The following ARHGEF10 variants were observed in gnomAD, a reference collection of about 807,000 sequenced individuals.
ARHGEF10 encodes Rho guanine nucleotide exchange factor (GEF) 10.
In ARHGEF10, 140 loss-of-function variants were observed where a neutral mutation model predicts 147.4. That is an observed-to-expected ratio of 0.95 (90% CI 0.83 to 1.09). The LOEUF is 1.09. Ranked by LOEUF, ARHGEF10 falls within the 50% of genes least tolerant of loss-of-function variation. The probability of loss-of-function intolerance (pLI) is 0.00; values close to 1 mark genes in which losing one functional copy is unlikely to be tolerated. For synonymous variants in ARHGEF10, 902 were observed against 695.8 expected, an observed-to-expected ratio of 1.30 and a Z score of -4.67; for missense variants, 2,222 against 1,752.7, an observed-to-expected ratio of 1.27 and a Z score of -4.78.
rs771371267 is a variant in ARHGEF10 at position 1,909,506 on chromosome 8, GC to G, written c.2143+38del. ...CTTTCTCTCACGTTCGTGCCGTGGGGCCAGGGTAACTCTCACGTTCATGCTA... is the reference window on the plus strand; with the variant it reads ...CTTTCTCTCACGTTCGTGCCGTGGGGCAGGGTAACTCTCACGTTCATGCTA... On this transcript the variant is annotated intron_variant, in intron 18 of 28. Coordinates refer to ENST00000349830, the MANE Select transcript of ARHGEF10 (RefSeq NM_014629.4). 1.9e-6 allele frequency: 3 copies of G among 1,611,640 alleles called. No individual in the cohort carries two copies. In the South Asian group the frequency reaches 3.3e-5, roughly 18 times the overall value.
At chr8:1,874,364 A>G (rs1034932562) in intron 7 of ARHGEF10, among the ~76,000 whole-genome samples, 1 of 152,174 alleles carries the variant, frequency 6.6e-6, no homozygotes, top group South Asian at 2.1e-4. Context: ...GCATTGAGAG[A>G]GCTGGATTGA....
chr8:1,885,745 A>T, intron 11 of ARHGEF10, 38 bp downstream of exon 11: 1 of 1,445,540 alleles, frequency 6.9e-7, no homozygotes, highest in Non-Finnish European at 9.7e-7. Flanking sequence ...GTTGACCAGC[A>T]GAGCTGTGCT....
At chr8:1,857,914 CT>C in intron 2 of ARHGEF10, 45 bp from the exon 3 acceptor site, 2 of 1,402,018 alleles carry the variant, frequency 1.4e-6, no homozygotes, top group East Asian at 2.3e-5. Context: ...ATCTATCTAT[CT>C]ATCTATCTAT....
At chr8:1,949,516 T>A (rs1249740315) in intron 27 of ARHGEF10, among the ~76,000 whole-genome samples, 1 of 152,184 alleles carries the variant, frequency 6.6e-6, no homozygotes, top group Non-Finnish European at 1.5e-5. Context: ...CAGGCAGATG[T>A]TTCCTGCTCT....
chr8:1,922,886 T>C, intron 18 of ARHGEF10, 78 bp from the exon 19 acceptor site: 7 of 994,046 alleles, frequency 7.0e-6, no homozygotes, highest in Non-Finnish European at 1.1e-5. Flanking sequence ...AGTATTTGAG[T>C]CTTTTCTTCC....
chr8:1,941,019 C>CTAA (rs1814049471), intron 26 of ARHGEF10, among the ~76,000 whole-genome samples: 1 of 152,200 alleles, frequency 6.6e-6, no homozygotes, highest in Non-Finnish European at 1.5e-5. Flanking sequence ...TAACATCATA[C>CTAA]TTTATGGTTA....
rs114648780 is a variant in ARHGEF10, at chr8:1,853,934, A to T, written c.38-4026A>T. 4.8e-3 allele frequency among the ~76,000 whole-genome samples: 734 copies of T among 152,326 alleles called. 3 individuals are homozygous for T. Among genetic ancestry groups the T allele is most frequent in the African/African-American group, 0.017 (689 of 41,580 alleles). ...AGCCTGCTCTAGCACAGCCTCCTGT[A>T]AACCAATTGCACCTGCAGTCACCTG... On this transcript the variant is annotated intron_variant, in intron 2 of 28. Transcript: ENST00000349830.
chr8:1,954,864 T>C (rs1229474000), intron 28 of ARHGEF10, among the ~76,000 whole-genome samples: 1 of 152,286 alleles, frequency 6.6e-6, no homozygotes, highest in East Asian at 1.9e-4. Context: ...GGTCAGTCCC[T>C]GCTGGTGCCA....
At chr8:1,880,737 C>T (rs1308908246) in intron 9 of ARHGEF10, among the ~76,000 whole-genome samples, 2 of 152,174 alleles carry the variant, frequency 1.3e-5, no homozygotes, top group Non-Finnish European at 2.9e-5. Flanking sequence ...TGAGCGATGT[C>T]TTTTAAAAGG....
chr8:1,885,268 A>G (rs1461650571), intron 10 of ARHGEF10, among the ~76,000 whole-genome samples: 1 of 152,196 alleles, frequency 6.6e-6, no homozygotes, highest in African/African-American at 2.4e-5. Flanking sequence ...AGATTAAGAA[A>G]CTAAAATATT....
At chr8:1,908,227 A>AT (rs11288174) in intron 17 of ARHGEF10, among the ~76,000 whole-genome samples, 5,539 of 110,038 alleles carry the variant, frequency 0.05, 188 homozygotes, top group African/African-American at 0.07. Flanking sequence ...CCACACTTTG[A>AT]TTTTTTTTTT....
chr8:1,874,349 A>C (rs1162549800), intron 7 of ARHGEF10, among the ~76,000 whole-genome samples: 3 of 152,216 alleles, frequency 2.0e-5, no homozygotes, highest in Non-Finnish European at 4.4e-5. Flanking sequence ...AGGAGCCTTA[A>C]CAAGGCATTG....
chr8:1,835,831 T>C (rs560119698), intron 1 of ARHGEF10, among the ~76,000 whole-genome samples: 1 of 152,318 alleles, frequency 6.6e-6, no homozygotes, highest in African/African-American at 2.4e-5. Context: ...AAACGGTCCT[T>C]CAGCCTCGGT....
intron 19 of ARHGEF10, 86 bp downstream of exon 19, chr8:1,923,165 G>A (rs921165534): frequency 1.9e-6 from 2 of 1,067,836 alleles, no homozygotes; most frequent in African/African-American, 3.2e-5. Flanking sequence ...AGTTCTACCA[G>A]AAGTGAGAAT....
At chr8:1,830,380 C>T (rs1205269297) in intron 1 of ARHGEF10, among the ~76,000 whole-genome samples, 1 of 152,218 alleles carries the variant, frequency 6.6e-6, no homozygotes, top group Non-Finnish European at 1.5e-5. Flanking sequence ...GTGCAAACAC[C>T]TGCGAGCACC....
chr8:1,905,513 CT>C (rs1174083398), intron 16 of ARHGEF10, 57 bp from the exon 17 acceptor site: 1 of 1,611,308 alleles, frequency 6.2e-7, no homozygotes, highest in East Asian at 2.2e-5. Context: ...TTCTCCTCAT[CT>C]TTTTCTTTTC....
At chr8:1,828,282 T>C (rs1802886149) in intron 1 of ARHGEF10, among the ~76,000 whole-genome samples, 1 of 152,270 alleles carries the variant, frequency 6.6e-6, no homozygotes, top group African/African-American at 2.4e-5. Flanking sequence ...TTGGATGTGG[T>C]CGTTATTATG....
chr8:1,826,135 A>G, intron 1 of ARHGEF10: 1 of 1,593,592 alleles, frequency 6.3e-7, no homozygotes, highest in Admixed American at 1.7e-5. Context: ...ATTTCTCAGC[A>G]GTAAGAAAAG....
intron 18 of ARHGEF10, among the ~76,000 whole-genome samples, chr8:1,914,784 G>C (rs61338624): frequency 1.8e-3 from 278 of 152,232 alleles, no homozygotes; most frequent in African/African-American, 6.5e-3. Context: ...CCTGTATGGC[G>C]TGTGGATTTG....
Sources: allele counts gnomAD v4.1 joint callset (sites outside exome capture counted in the v4.1 genomes callset), GRCh38; gene constraint gnomAD v4.1.1; transcripts MANE v1.5; gene names NCBI Gene and HGNC (gene_info 2026-07-23, HGNC 2026-07-21).